PTPN13: variants seen among roughly 807,000 people sequenced by gnomAD.
PTPN13 encodes the protein protein tyrosine phosphatase non-receptor type 13.
A neutral mutation model predicts 284.0 loss-of-function variants in PTPN13; 191 were observed. The observed-to-expected ratio is 0.67, with a 90% CI of 0.60 to 0.76. The LOEUF is 0.76. Ranked by LOEUF, PTPN13 falls within the 30% of genes least tolerant of loss-of-function variation. The pLI, the probability that PTPN13 is intolerant of heterozygous loss-of-function variation, is 0.00. For missense variants in PTPN13, 2,797 were observed against 2,939.9 expected, an observed-to-expected ratio of 0.95 and a Z score of 1.12; for synonymous variants, 986 against 1,022.3, an observed-to-expected ratio of 0.96 and a Z score of 0.68.
At chr4:86,673,667 G>A (rs1430099270) in intron 3 of PTPN13, among the ~76,000 whole-genome samples, 4 of 152,176 alleles carry the variant, frequency 2.6e-5, no homozygotes, top group African/African-American at 9.6e-5. Context: ...GATAACTATG[G>A]GAGAAGGAAG....
At chr4:86,812,529 TG>T (rs896038932) in intron 47 of PTPN13, among the ~76,000 whole-genome samples, 3 of 152,136 alleles carry the variant, frequency 2.0e-5, no homozygotes, top group African/African-American at 7.2e-5. Context: ...GAATCAGTCA[TG>T]GCAGATTGGG....
At chr4:86,803,978 C>A in intron 43 of PTPN13, 121 bp downstream of exon 43, 1 of 1,031,866 alleles carries the variant, frequency 9.7e-7, no homozygotes, top group Non-Finnish European at 1.4e-6. Context: ...CTAAAAGCAC[C>A]ACCTTATCAT....
chr4:86,680,140 A>C (rs1638860956), intron 3 of PTPN13, among the ~76,000 whole-genome samples: 1 of 152,186 alleles, frequency 6.6e-6, no homozygotes, highest in African/African-American at 2.4e-5. Context: ...AGCATCCAAG[A>C]AATAGTAACT....
chr4:86,699,076 G>T (rs866908722), intron 6 of PTPN13, among the ~76,000 whole-genome samples: 1 of 152,046 alleles, frequency 6.6e-6, no homozygotes, highest in Non-Finnish European at 1.5e-5. Context: ...AAATTTCATC[G>T]TTTAAGATGG....
intron 45 of PTPN13, among the ~76,000 whole-genome samples, chr4:86,808,345 T>C (rs2149386665): frequency 6.6e-6 from 1 of 152,328 alleles, no homozygotes; most frequent in African/African-American, 2.4e-5. Context: ...ACAGTTGTTA[T>C]TCAGATCATT....
At chr4:86,758,525 T>G in intron 21 of PTPN13, 153 bp from the exon 22 acceptor site, 1 of 890,746 alleles carries the variant, frequency 1.1e-6, no homozygotes, top group East Asian at 2.6e-5. Flanking sequence ...TAATAAGAAA[T>G]GCCTACAAGA....
intron 20 of PTPN13, among the ~76,000 whole-genome samples, chr4:86,753,393 G>C (rs1239091643): frequency 6.6e-6 from 1 of 151,998 alleles, no homozygotes; most frequent in Admixed American, 6.6e-5. Context: ...TAGAGGGAAA[G>C]GAGGATTCAT....
chr4:86,729,905 T>G (rs757109844), intron 10 of PTPN13, among the ~76,000 whole-genome samples: 8 of 149,804 alleles, frequency 5.3e-5, no homozygotes, highest in Admixed American at 1.3e-4. Flanking sequence ...CTGCAGTCCT[T>G]TGGAGGAGAA....
At chr4:86,714,917 G>A (rs1732844952) in intron 7 of PTPN13, among the ~76,000 whole-genome samples, 1 of 152,092 alleles carries the variant, frequency 6.6e-6, no homozygotes. Flanking sequence ...TTAAGCATGA[G>A]GCAACGTGAA....
chr4:86,674,116 T>C (rs1018173577), intron 3 of PTPN13, among the ~76,000 whole-genome samples: 1 of 152,148 alleles, frequency 6.6e-6, no homozygotes, highest in Non-Finnish European at 1.5e-5. Context: ...ATGACTATAG[T>C]GATATAACTG....
At chr4:86,607,996 A>G (rs950718636) in intron 1 of PTPN13, among the ~76,000 whole-genome samples, 3 of 152,040 alleles carry the variant, frequency 2.0e-5, no homozygotes, top group African/African-American at 7.2e-5. Flanking sequence ...AGAAAAGAGG[A>G]ATGATTTATT....
intron 3 of PTPN13, among the ~76,000 whole-genome samples, chr4:86,673,240 G>A (rs894798222): frequency 1.3e-5 from 2 of 152,168 alleles, no homozygotes; most frequent in Non-Finnish European, 2.9e-5. Context: ...TGAAATAAAT[G>A]CTATGGAGAG....
intron 10 of PTPN13, 91 bp from the exon 11 acceptor site, chr4:86,732,309 T>C (rs1365981470): frequency 3.1e-5 from 33 of 1,067,828 alleles, no homozygotes; most frequent in Non-Finnish European, 3.9e-5. Context: ...TAGTTTCATA[T>C]GTAATTTATT....
In PTPN13 at chr4:86,785,832, T is replaced by G. The variant is rs1578667238; in HGVS notation, c.6257-16T>G. ...AGTTTTATAAATTCCTCTTGGCCTA[T>G]ATATTCCTCTCTCAGGTACATTAAA... On this transcript the variant is annotated splice_polypyrimidine_tract_variant and intron_variant, in intron 39 of 47. Coordinates refer to ENST00000411767, the MANE Select transcript of PTPN13 (RefSeq NM_080683.3). The G allele has an allele frequency of 3.4e-6, 5 of 1,492,054 alleles. No individual in the cohort carries two copies. In the East Asian group the frequency reaches 1.2e-4, roughly 36 times the overall value. The allele number at this position is 1,492,054 out of a possible 1,614,324, so 92.4% of individuals were successfully genotyped here.
intron 10 of PTPN13, among the ~76,000 whole-genome samples, chr4:86,728,873 A>G (rs2149115341): frequency 6.8e-6 from 1 of 147,096 alleles, no homozygotes; most frequent in African/African-American, 2.5e-5. Context: ...TGTGAATTTG[A>G]TCCTGTCATT....
chr4:86,798,954 C>A, intron 41 of PTPN13, 147 bp from the exon 42 acceptor site: 1 of 547,946 alleles, frequency 1.8e-6, no homozygotes, highest in Non-Finnish European at 3.2e-6. Flanking sequence ...TTTACATCTA[C>A]CAATAAATTT....
intron 1 of PTPN13, among the ~76,000 whole-genome samples, chr4:86,599,090 G>C (rs1441873610): frequency 6.6e-6 from 1 of 151,948 alleles, no homozygotes; most frequent in Non-Finnish European, 1.5e-5. Context: ...TCCATGCCCC[G>C]GCCTCAACTC....
chr4:86,758,577 T>G, intron 21 of PTPN13, 101 bp from the exon 22 acceptor site: 1 of 1,059,292 alleles, frequency 9.4e-7, no homozygotes, highest in Non-Finnish European at 1.4e-6. Context: ...TACTAATCAT[T>G]TGATATCAAT....
At chr4:86,631,368 C>T (rs1722449968) in intron 1 of PTPN13, among the ~76,000 whole-genome samples, 1 of 151,992 alleles carries the variant, frequency 6.6e-6, no homozygotes, top group Non-Finnish European at 1.5e-5. Flanking sequence ...AGTGCTATAA[C>T]AGTAAAATAA....
Sources: gnomAD v4.1 joint callset for allele counts (sites outside exome capture counted in the v4.1 genomes callset) on GRCh38, gnomAD v4.1.1 for gene constraint, MANE v1.5 for transcripts, NCBI Gene and HGNC (gene_info 2026-07-23, HGNC 2026-07-21) for gene names.